Variants in DNAJC2 observed in about 807,000 individuals in gnomAD.
DNAJC2 encodes the protein DnaJ heat shock protein family (Hsp40) member C2.
Under a neutral mutation model 94.0 loss-of-function variants are expected in DNAJC2, and 32 were observed. The ratio of observed to expected loss-of-function variants is 0.34; its 90% CI spans 0.26 to 0.46. The LOEUF (loss-of-function observed/expected upper bound fraction) is 0.46. Ranked by LOEUF, DNAJC2 falls within the 20% of genes least tolerant of loss-of-function variation. The probability of loss-of-function intolerance (pLI) is 1.00; values close to 1 mark genes in which losing one functional copy is unlikely to be tolerated. For missense variants in DNAJC2, 550 were observed against 719.5 expected (o/e 0.76, Z 2.69); for synonymous variants, 210 against 229.7 (o/e 0.91, Z 0.77).
intron 3 of DNAJC2, among the ~76,000 whole-genome samples, chr7:103,330,778 C>T (rs906625149): frequency 1.3e-5 from 2 of 150,106 alleles, no homozygotes; most frequent in African/African-American, 2.5e-5. Flanking sequence ...GGAGGGGTTT[C>T]GTCATGTTGG....
At chr7:103,312,854 T>C (rs951981440) in intron 16 of DNAJC2, 93 bp downstream of exon 16, 19 of 1,534,780 alleles carry the variant, frequency 1.2e-5, no homozygotes, top group Middle Eastern at 1.8e-4. Context: ...ATAAGCACTA[T>C]ATTATTAACC....
At chr7:103,312,904 A>G in intron 16 of DNAJC2, 43 bp downstream of exon 16, 9 of 1,583,064 alleles carry the variant, frequency 5.7e-6, no homozygotes, top group Non-Finnish European at 7.7e-6. Flanking sequence ...CACCCAAGCT[A>G]CAATTTAAAA....
chr7:103,327,180 A>G (rs1032235828), intron 4 of DNAJC2, among the ~76,000 whole-genome samples: 6 of 152,212 alleles, frequency 3.9e-5, no homozygotes, highest in African/African-American at 1.2e-4. Context: ...GTAAATAGCA[A>G]TAAGTAACTG....
At chr7:103,339,542 A>G (rs1251854073) in intron 2 of DNAJC2, among the ~76,000 whole-genome samples, 1 of 151,782 alleles carries the variant, frequency 6.6e-6, no homozygotes, top group Non-Finnish European at 1.5e-5. Context: ...TGCCTTCCCG[A>G]TCATTTTACT....
intron 4 of DNAJC2, chr7:103,327,296 A>G: frequency 8.4e-7 from 1 of 1,194,312 alleles, no homozygotes; most frequent in Non-Finnish European, 1.1e-6. Context: ...AAAAAAAAAA[A>G]ATCTTAGTAT....
intron 6 of DNAJC2, among the ~76,000 whole-genome samples, chr7:103,324,026 C>T (rs1818568319): frequency 6.6e-6 from 1 of 152,180 alleles, no homozygotes; most frequent in South Asian, 2.1e-4. Context: ...AAAGCAATTA[C>T]AACTGATAGA....
chr7:103,326,486 A>G, intron 5 of DNAJC2, 57 bp downstream of exon 5: 1 of 1,555,570 alleles, frequency 6.4e-7, no homozygotes, highest in Non-Finnish European at 8.8e-7. Context: ...GAAACCTGGA[A>G]GACTACAATA....
intron 15 of DNAJC2, chr7:103,314,062 A>G: frequency 1.0e-6 from 1 of 985,442 alleles, no homozygotes; most frequent in Non-Finnish European, 1.2e-6. Context: ...CCACCTATTC[A>G]AAACAAAGCA....
Position 103,316,982 on chromosome 7 carries a change from C to T in DNAJC2, c.1275G>A (p.Glu425=). 1 of 1,613,714 alleles carries T rather than the reference C, an allele frequency of 6.2e-7. No homozygotes were observed. Among genetic ancestry groups the T allele is most frequent in the African/African-American group, 1.3e-5 (1 of 75,014 alleles). Residue 425 remains glutamate (E), a synonymous_variant, in exon 13 of 17, where the codon GAG becomes GAA. Coordinates refer to ENST00000379263, the MANE Select transcript of DNAJC2 (RefSeq NM_014377.3). The part of the protein sequence containing the change: ...IEEINEQIRK[E]KEEAEARMRQ... Reference sequence around the variant, plus strand: ...GCATACGAGCCTCAGCTTCCTCTTTCTCTTTTCTGATTTGCTCATTTATTT... The same window carrying T: ...GCATACGAGCCTCAGCTTCCTCTTTTTCTTTTCTGATTTGCTCATTTATTT...
At chr7:103,340,377 A>C (rs372038765) in intron 2 of DNAJC2, among the ~76,000 whole-genome samples, 1 of 152,250 alleles carries the variant, frequency 6.6e-6, no homozygotes, top group East Asian at 1.9e-4. Flanking sequence ...ACACTTTCTG[A>C]GTGCTTACTT....
rs1171241210 is a variant in DNAJC2, at chr7:103,341,901, T to C, written c.118A>G (p.Lys40Glu). ...GCAGAAGCATTTCTGTTTCTCCTCT[T>C]AACAAAAGCTTCAAACCATCTTCCC... ...PVGRWFEAFV[K>E]RRNRNASASF... is the part of the protein sequence containing the mutation. Residue 40 changes from lysine to glutamate, a missense_variant, in exon 2 of 17, where the codon AAG (lysine) becomes GAG (glutamate). By Grantham distance (56) the Lys-to-Glu change is moderately conservative. Transcript: ENST00000379263. 6.2e-7 allele frequency: 1 copy of C among 1,612,530 alleles called. No homozygotes were observed.
intron 9 of DNAJC2, among the ~76,000 whole-genome samples, 198 bp from the exon 10 acceptor site, chr7:103,322,279 A>G (rs942908046): frequency 2.0e-5 from 3 of 152,186 alleles, no homozygotes; most frequent in Admixed American, 2.0e-4. Flanking sequence ...AAATTGACAT[A>G]TTAGAAATAA....
At position 103,316,059 on chromosome 7, in the gene DNAJC2, A is replaced by G; in HGVS notation, c.1457T>C (p.Ile486Thr). ...TCTTTTGACTCCAGAGGAAGAATGT[A>G]TGTTCATGTAATTAGCAATAACTTC... ...RWEVIANYMNIHSSSGVKRTA... is the reference protein window; with the variant it reads ...RWEVIANYMNTHSSSGVKRTA... Residue 486 changes from isoleucine (I) to threonine (T), a missense_variant, in exon 14 of 17, where the codon ATA becomes ACA. By Grantham distance (89) the Ile-to-Thr change is moderately conservative. This residue lies in a region of DNAJC2 where 271 missense variants were observed against 302.6 expected (regional missense o/e 0.90). Transcript: ENST00000379263. The G allele has an allele frequency of 6.3e-7, 1 of 1,596,608 alleles. No homozygotes were observed.
chr7:103,341,662 G>T, intron 2 of DNAJC2, 102 bp downstream of exon 2: 1 of 968,534 alleles, frequency 1.0e-6, no homozygotes, highest in Non-Finnish European at 1.5e-6. Context: ...TAGTTATCTT[G>T]CTGAATCATC....
At chr7:103,344,194 C>G in intron 1 of DNAJC2, 1 of 273,422 alleles carries the variant, frequency 3.7e-6, no homozygotes, top group Non-Finnish European at 6.9e-6. Context: ...CTTTGTACGA[C>G]CCCAGGCACG....
At chr7:103,342,292 ATTAT>A (rs1034027588) in intron 1 of DNAJC2, among the ~76,000 whole-genome samples, 1 of 151,866 alleles carries the variant, frequency 6.6e-6, no homozygotes, top group South Asian at 2.1e-4. Context: ...TTTTAGACAA[ATTAT>A]TTATTTTTTT....
chr7:103,321,840 C>T (rs1818437713), intron 10 of DNAJC2, 92 bp downstream of exon 10: 2 of 1,426,244 alleles, frequency 1.4e-6, no homozygotes, highest in Admixed American at 1.9e-5. Context: ...AGAGCGAGAC[C>T]CCATCTAAAA....
chr7:103,314,497 C>A, intron 15 of DNAJC2: 1 of 985,344 alleles, frequency 1.0e-6, no homozygotes, highest in Non-Finnish European at 1.2e-6. Context: ...TATCAGGGCC[C>A]ACCTCCCTCC....
intron 9 of DNAJC2, 152 bp from the exon 10 acceptor site, chr7:103,322,233 C>G (rs574399299): frequency 1.0e-4 from 64 of 631,946 alleles, no homozygotes; most frequent in Non-Finnish European, 1.2e-4. Context: ...GGAAAGACAG[C>G]TGGTAAAGAT....
Sources: allele counts gnomAD v4.1 joint callset (sites outside exome capture counted in the v4.1 genomes callset), GRCh38; gene constraint gnomAD v4.1.1; regional missense constraint gnomAD v4.1.1; transcripts MANE v1.5; gene names NCBI Gene and HGNC (gene_info 2026-07-23, HGNC 2026-07-21).